VKORC1L1: variants seen among roughly 807,000 people sequenced by gnomAD.
The protein encoded by VKORC1L1 is vitamin K epoxide reductase complex subunit 1-like protein 1.
In VKORC1L1, 2 loss-of-function variants were observed where a neutral mutation model predicts 18.9. That is an observed-to-expected ratio of 0.11 (90% CI 0.04 to 0.33). The LOEUF is 0.33. Ranked by LOEUF, VKORC1L1 falls within the 10% of genes least tolerant of loss-of-function variation. The probability of loss-of-function intolerance (pLI) is 1.00; values close to 1 mark genes in which losing one functional copy is unlikely to be tolerated. For synonymous variants in VKORC1L1, 96 were observed against 100.0 expected (o/e 0.96, Z 0.24); for missense variants, 123 against 224.1 (o/e 0.55, Z 2.88).
Position 65,954,518 on chromosome 7 carries a change from CCAAT to C in VKORC1L1, c.*222_*225del, listed in dbSNP as rs1182721241. On this transcript the variant is annotated 3_prime_UTR_variant, in exon 3 of 3. Transcript: ENST00000360768. ...ATGGATACAAAAAGGATACGCCGAGCCAATCAAAGACAAGCTTTAACTTTACTTT... is the reference window on the plus strand; with the variant it reads ...ATGGATACAAAAAGGATACGCCGAGCCAAAGACAAGCTTTAACTTTACTTT... 6.3e-6 allele frequency: 5 copies of C among 791,664 alleles called. No homozygotes were observed. Among genetic ancestry groups the C allele is most frequent in the Non-Finnish European group, 9.1e-6 (5 of 547,496 alleles). 49.0% of individuals were successfully genotyped at this position (791,664 alleles called of 1,614,324 possible). A position where few individuals can be genotyped will look rare whatever the true frequency, so the allele number is the denominator to read the frequency against.
intron 1 of VKORC1L1, among the ~76,000 whole-genome samples, chr7:65,915,042 T>C (rs1054752116): frequency 1.3e-4 from 19 of 151,488 alleles, no homozygotes; most frequent in African/African-American, 4.1e-4. Flanking sequence ...TAACTCTCCC[T>C]CTTCGGTTTG....
Position 65,917,185 on chromosome 7 carries a change from T to G in VKORC1L1, c.195-31486T>G, listed in dbSNP as rs576802671. Among the ~76,000 whole-genome samples the G allele has an allele frequency of 2.6e-5, 4 of 152,268 alleles. No homozygotes were observed. The South Asian group carries it at 6.2e-4, about 24-fold the overall frequency. ...TCTCACAACTCTTTTTTCTTTATCT[T>G]CACATTCCTAATCCAATTGGTGATT... On this transcript the variant is annotated intron_variant, in intron 1 of 2. Coordinates refer to ENST00000360768, the MANE Select transcript of VKORC1L1 (RefSeq NM_173517.6).
At chr7:65,929,650 A>G (rs1562650605) in intron 1 of VKORC1L1, among the ~76,000 whole-genome samples, 2 of 138,422 alleles carry the variant, frequency 1.4e-5, no homozygotes, top group Non-Finnish European at 3.1e-5. Context: ...ATATATATAT[A>G]TATGTATGTG....
At chr7:65,902,019 C>G (rs913993078) in intron 1 of VKORC1L1, among the ~76,000 whole-genome samples, 3 of 152,148 alleles carry the variant, frequency 2.0e-5, no homozygotes, top group Non-Finnish European at 4.4e-5. Flanking sequence ...GAAGATACAG[C>G]CGATTTAAAG....
chr7:65,890,594 G>A (rs1008704671), intron 1 of VKORC1L1, among the ~76,000 whole-genome samples: 1 of 152,134 alleles, frequency 6.6e-6, no homozygotes, highest in Non-Finnish European at 1.5e-5. Context: ...ATTGATATTT[G>A]TCTCCAGTTT....
chr7:65,898,386 G>A (rs1463404020), intron 1 of VKORC1L1, among the ~76,000 whole-genome samples: 1 of 152,106 alleles, frequency 6.6e-6, no homozygotes, highest in East Asian at 1.9e-4. Flanking sequence ...GCCCGGCCAG[G>A]TAGCAGCTCC....
chr7:65,899,887 C>A (rs1017761483), intron 1 of VKORC1L1, among the ~76,000 whole-genome samples: 4 of 152,078 alleles, frequency 2.6e-5, no homozygotes, highest in Non-Finnish European at 2.9e-5. Context: ...GTAATCCCAG[C>A]TACTCGGGAG....
intron 1 of VKORC1L1, among the ~76,000 whole-genome samples, chr7:65,877,938 G>T (rs980900945): frequency 6.6e-6 from 1 of 152,050 alleles, no homozygotes; most frequent in Admixed American, 6.6e-5. Flanking sequence ...ATATATGCAG[G>T]TTTCGGTCTG....
At position 65,947,412 on chromosome 7, in the gene VKORC1L1, TG is replaced by T. The variant is rs1185605255; in HGVS notation, c.195-1257del. ...TTCTCTACTGACTTAACACCATAAC[TG>T]GTTTTTTTTTTTTTTTTTAGTATTT... On this transcript the variant is annotated intron_variant, in intron 1 of 2. Coordinates refer to ENST00000360768, the MANE Select transcript of VKORC1L1 (RefSeq NM_173517.6). 1.9e-3 allele frequency among the ~76,000 whole-genome samples: 274 copies of T among 147,070 alleles called. 3 individuals are homozygous for T. The highest frequency in any genetic ancestry group is 6.7e-3 in the African/African-American group (268 of 40,162).
intron 1 of VKORC1L1, among the ~76,000 whole-genome samples, chr7:65,879,723 T>TC (rs775053314): frequency 6.6e-6 from 1 of 150,980 alleles, no homozygotes; most frequent in African/African-American, 2.5e-5. Flanking sequence ...TTTCCTTCCT[T>TC]CTTTTCTTTC....
chr7:65,942,081 A>T (rs1258011577), intron 1 of VKORC1L1, among the ~76,000 whole-genome samples: 1 of 152,190 alleles, frequency 6.6e-6, no homozygotes, highest in African/African-American at 2.4e-5. Flanking sequence ...AAGTATTTTT[A>T]AAAAGTACCA....
intron 1 of VKORC1L1, among the ~76,000 whole-genome samples, chr7:65,910,640 C>T (rs1466238571): frequency 1.3e-5 from 2 of 151,622 alleles, no homozygotes; most frequent in African/African-American, 4.8e-5. Context: ...AATATCTGTG[C>T]GCTTGTCAAG....
chr7:65,903,773 CAAAA>C (rs59067443), intron 1 of VKORC1L1, among the ~76,000 whole-genome samples: 17 of 113,188 alleles, frequency 1.5e-4, no homozygotes, highest in Admixed American at 3.7e-4. Flanking sequence ...GACCGTGTCT[CAAAA>C]AAAAAAAAAA....
upstream of VKORC1L1, among the ~76,000 whole-genome samples, chr7:65,872,534 GC>G (rs1788739231): frequency 6.6e-6 from 1 of 152,062 alleles, no homozygotes. Context: ...CGCCATGTAG[GC>G]CAGGCTGGTC....
At chr7:65,912,782 T>A (rs1789521629) in intron 1 of VKORC1L1, among the ~76,000 whole-genome samples, 1 of 152,134 alleles carries the variant, frequency 6.6e-6, no homozygotes, top group Admixed American at 6.6e-5. Context: ...ACTAGAAAAA[T>A]TCATTTTAAA....
intron 2 of VKORC1L1, among the ~76,000 whole-genome samples, chr7:65,950,380 C>T (rs1790193140): frequency 6.6e-6 from 1 of 151,932 alleles, no homozygotes; most frequent in Non-Finnish European, 1.5e-5. Flanking sequence ...TTTTGTAGAT[C>T]TTGTTGCATA....
rs1398898710 is a variant in VKORC1L1 at position 65,959,500 on chromosome 7, A to C, written c.*5200A>C. 6.6e-6 allele frequency: 1 copy of C among 152,258 alleles called. No homozygotes were observed. The highest frequency in any genetic ancestry group is 6.5e-5 in the Admixed American group (1 of 15,286). 9.4% of individuals were successfully genotyped at this position (152,258 alleles called of 1,614,324 possible). A position where few individuals can be genotyped will look rare whatever the true frequency, so the allele number is the denominator to read the frequency against. ...ACAGAAGCTCTAGATTCCTAATTGG[A>C]ACTGACTACACTCATTTTTAAAAAA... On this transcript the variant is annotated 3_prime_UTR_variant, in exon 3 of 3. Transcript: ENST00000360768.
chr7:65,873,043 C>A (rs1378992060), upstream of VKORC1L1, among the ~76,000 whole-genome samples: 48 of 146,022 alleles, frequency 3.3e-4, no homozygotes, highest in East Asian at 6.8e-3. Flanking sequence ...TCGCGCGCGA[C>A]CGGCCGCGCG....
At chr7:65,944,707 A>G (rs1790088936) in intron 1 of VKORC1L1, among the ~76,000 whole-genome samples, 1 of 151,578 alleles carries the variant, frequency 6.6e-6, no homozygotes, top group Non-Finnish European at 1.5e-5. Context: ...GCCTGAGCTC[A>G]GGAGTTCGAG....
Sources: allele counts gnomAD v4.1 joint callset (sites outside exome capture counted in the v4.1 genomes callset), GRCh38; gene constraint gnomAD v4.1.1; transcripts MANE v1.5; gene names NCBI Gene and HGNC (gene_info 2026-07-23, HGNC 2026-07-21).